Variants in CREB5 observed in about 807,000 individuals in gnomAD.
CREB5 encodes the protein cyclic AMP-responsive element-binding protein 5.
A neutral mutation model predicts 57.1 loss-of-function variants in CREB5; 19 were observed. The observed-to-expected ratio is 0.33, with a 90% CI of 0.23 to 0.49. The LOEUF (loss-of-function observed/expected upper bound fraction) is 0.49. CREB5 is among the 20% of genes least tolerant of loss of function. The pLI, the probability that CREB5 is intolerant of heterozygous loss-of-function variation, is 0.99. For synonymous variants in CREB5, 238 were observed against 238.3 expected, an observed-to-expected ratio of 1.00 and a Z score of 0.01; for missense variants, 579 against 671.6, an observed-to-expected ratio of 0.86 and a Z score of 1.52.
intron 5 of CREB5, among the ~76,000 whole-genome samples, chr7:28,580,269 A>G (rs1373204387): frequency 6.6e-6 from 1 of 152,150 alleles, no homozygotes; most frequent in Non-Finnish European, 1.5e-5. Flanking sequence ...GTGACTGATG[A>G]ATTTTACAGA....
intron 5 of CREB5, among the ~76,000 whole-genome samples, chr7:28,639,196 C>T (rs1798548804): frequency 6.6e-6 from 1 of 152,168 alleles, no homozygotes; most frequent in Non-Finnish European, 1.5e-5. Context: ...AATTTCTTGG[C>T]TTTAATCTTA....
At chr7:28,378,804 A>G in intron 1 of CREB5, among the ~76,000 whole-genome samples, 1 of 152,234 alleles carries the variant, frequency 6.6e-6, no homozygotes, top group South Asian at 2.1e-4. Flanking sequence ...AACCAGCTAC[A>G]AATCTACTCA....
rs60927326 is a variant in CREB5, at chr7:28,477,425, C to A, written c.4-10750C>A. Among the ~76,000 whole-genome samples, 1,254 of 152,334 alleles carry A rather than the reference C, an allele frequency of 8.2e-3. 15 individuals are homozygous for A. Among genetic ancestry groups the A allele is most frequent in the African/African-American group, 0.028 (1,182 of 41,572 alleles). ...TTCCTAGCATATGATCTACACTCCC[C>A]TGAGCAAAGAAACCACGTTCATGCG... is the stretch of plus-strand genomic sequence containing the variant. On this transcript the variant is annotated intron_variant, in intron 1 of 10. Coordinates refer to ENST00000357727, the MANE Select transcript of CREB5 (RefSeq NM_182898.4).
intron 5 of CREB5, among the ~76,000 whole-genome samples, chr7:28,617,536 A>G (rs1583425973): frequency 6.6e-6 from 1 of 152,326 alleles, no homozygotes; most frequent in East Asian, 1.9e-4. Flanking sequence ...TTTGAATCAC[A>G]CTGGTTTGTG....
chr7:28,559,546 C>T (rs1268112574), intron 4 of CREB5, among the ~76,000 whole-genome samples: 1 of 151,218 alleles, frequency 6.6e-6, no homozygotes, highest in Non-Finnish European at 1.5e-5. Context: ...AACTCCTGAG[C>T]TCAGGCAATC....
chr7:28,602,828 C>T (rs1796975119), intron 5 of CREB5, among the ~76,000 whole-genome samples: 1 of 152,128 alleles, frequency 6.6e-6, no homozygotes, highest in African/African-American at 2.4e-5. Flanking sequence ...TAAAATTTCA[C>T]AGAACTAAAT....
At chr7:28,462,157 GA>G (rs1790375993) in intron 1 of CREB5, among the ~76,000 whole-genome samples, 1 of 152,084 alleles carries the variant, frequency 6.6e-6, no homozygotes, top group African/African-American at 2.4e-5. Context: ...TATATAAATG[GA>G]ATCACACAAC....
intron 1 of CREB5, among the ~76,000 whole-genome samples, chr7:28,305,008 A>G (rs746265108): frequency 1.3e-5 from 2 of 152,226 alleles, no homozygotes; most frequent in African/African-American, 4.8e-5. Context: ...GTCAAATTTT[A>G]TAACTAGGAA....
chr7:28,328,856 A>T (rs560769705), intron 1 of CREB5, among the ~76,000 whole-genome samples: 117 of 152,326 alleles, frequency 7.7e-4, no homozygotes, highest in African/African-American at 2.7e-3. Context: ...ACCACGGCTT[A>T]GGGTATTGAG....
chr7:28,333,436 A>C (rs1019924907), intron 1 of CREB5, among the ~76,000 whole-genome samples: 1 of 152,202 alleles, frequency 6.6e-6, no homozygotes, highest in Non-Finnish European at 1.5e-5. Flanking sequence ...AAAATGTACA[A>C]TTAAATCATT....
chr7:28,415,095 T>C (rs377148647), intron 1 of CREB5, among the ~76,000 whole-genome samples: 25 of 152,148 alleles, frequency 1.6e-4, no homozygotes, highest in African/African-American at 5.8e-4. Context: ...ACATTTCTGA[T>C]CTTAACCCTA....
chr7:28,673,507 T>G (rs2128720387), intron 5 of CREB5, among the ~76,000 whole-genome samples: 1 of 152,324 alleles, frequency 6.6e-6, no homozygotes, highest in South Asian at 2.1e-4. Flanking sequence ...CTTTATGATT[T>G]TCTTTTTAAT....
At chr7:28,520,109 G>C (rs1562771422) in intron 4 of CREB5, among the ~76,000 whole-genome samples, 1 of 152,198 alleles carries the variant, frequency 6.6e-6, no homozygotes, top group Non-Finnish European at 1.5e-5. Context: ...TAGTTGCATC[G>C]TGGTATGGGT....
At chr7:28,570,621 G>C in intron 5 of CREB5, 84 bp downstream of exon 5, 1 of 1,495,532 alleles carries the variant, frequency 6.7e-7, no homozygotes, top group African/African-American at 1.4e-5. Flanking sequence ...CTGGTGCTCA[G>C]ATTGGTTGGT....
chr7:28,646,177 T>C (rs1798880854), intron 5 of CREB5, among the ~76,000 whole-genome samples: 1 of 152,198 alleles, frequency 6.6e-6, no homozygotes, highest in Non-Finnish European at 1.5e-5. Flanking sequence ...CTTTATTTTC[T>C]ATCGGTTCTG....
intron 5 of CREB5, among the ~76,000 whole-genome samples, chr7:28,636,232 G>C (rs1583456879): frequency 6.6e-6 from 1 of 152,186 alleles, no homozygotes; most frequent in South Asian, 2.1e-4. Context: ...TGTGCTGCTT[G>C]CCCATGCCCT....
At chr7:28,761,443 T>A (rs186500069) in intron 7 of CREB5, among the ~76,000 whole-genome samples, 114 of 152,330 alleles carry the variant, frequency 7.5e-4, no homozygotes, top group Non-Finnish European at 1.2e-4. Context: ...TAGACAAGGC[T>A]TCATTCCTGA....
chr7:28,308,296 T>C (rs1785221823), intron 1 of CREB5, among the ~76,000 whole-genome samples: 2 of 152,204 alleles, frequency 1.3e-5, no homozygotes, highest in Non-Finnish European at 2.9e-5. Flanking sequence ...GAAGAAAAAT[T>C]TCAGTTCAAA....
At chr7:28,715,810 A>T (rs1333040337) in intron 5 of CREB5, among the ~76,000 whole-genome samples, 3 of 152,200 alleles carry the variant, frequency 2.0e-5, no homozygotes, top group Non-Finnish European at 4.4e-5. Flanking sequence ...AGGGATCTCA[A>T]ATAATCCTTT....
Sources: gnomAD v4.1 joint callset for allele counts (sites outside exome capture counted in the v4.1 genomes callset) on GRCh38, gnomAD v4.1.1 for gene constraint, MANE v1.5 for transcripts, NCBI Gene and HGNC (gene_info 2026-07-23, HGNC 2026-07-21) for gene names.